LITAF: variants seen among roughly 807,000 people sequenced by gnomAD.
LITAF encodes lipopolysaccharide-induced tumor necrosis factor-alpha factor.
LITAF carries 9 observed loss-of-function variants against 14.5 expected under a neutral mutation model. The ratio of observed to expected loss-of-function variants is 0.62; its 90% CI spans 0.37 to 1.08. The LOEUF is 1.08. LITAF is among the 50% of genes least tolerant of loss of function. The pLI, the probability that LITAF is intolerant of heterozygous loss-of-function variation, is 0.01. For synonymous variants in LITAF, 98 were observed against 88.2 expected (o/e 1.11, Z -0.62); for missense variants, 206 against 213.4 (o/e 0.97, Z 0.22).
upstream of LITAF, among the ~76,000 whole-genome samples, chr16:11,636,630 C>T (rs1449656748): frequency 6.6e-6 from 1 of 152,130 alleles, no homozygotes. Context: ...CACACGATGA[C>T]AAAGAAAAGG....
At chr16:11,573,572 G>A (rs1440054540) in intron 1 of LITAF, among the ~76,000 whole-genome samples, 1 of 152,122 alleles carries the variant, frequency 6.6e-6, no homozygotes, top group Non-Finnish European at 1.5e-5. Flanking sequence ...CTCCCCACAA[G>A]GTACTGAAAC....
At chr16:11,633,673 A>C (rs1478034383) in intron 2 of LITAF, 1 of 151,946 alleles carries the variant, frequency 6.6e-6, no homozygotes, top group Non-Finnish European at 1.5e-5. Context: ...TGAATAATCC[A>C]CCCCTCATTC....
At chr16:11,575,980 G>A (rs534636229) in intron 1 of LITAF, among the ~76,000 whole-genome samples, 27 of 152,264 alleles carry the variant, frequency 1.8e-4, no homozygotes, top group Non-Finnish European at 2.5e-4. Flanking sequence ...TCCTGGGTTC[G>A]AGTGATCCTC....
At chr16:11,593,691 A>G (rs2064863029) in intron 1 of LITAF, among the ~76,000 whole-genome samples, 1 of 152,252 alleles carries the variant, frequency 6.6e-6, no homozygotes, top group Non-Finnish European at 1.5e-5. Flanking sequence ...CAATGCATTG[A>G]TGCTTTCCAC....
upstream of LITAF, among the ~76,000 whole-genome samples, chr16:11,589,748 A>C (rs2064836960): frequency 1.3e-5 from 2 of 150,516 alleles, no homozygotes; most frequent in African/African-American, 4.9e-5. Context: ...CCTCCTCAGT[A>C]GCTGGGACTA....
rs543824243 is a variant in LITAF, at chr16:11,605,067, G to A, written c.85+28466C>T. ...GGCCAGGACCACTGCTGGACGTGGG[G>A]CACTTGAATGGGTCCCTCACCCGTG... On this transcript the variant is annotated intron_variant, in intron 3 of 3. Transcript: ENST00000574848. The surrounding 1 kb of genome is among the most constrained non-coding windows in gnomAD (Gnocchi z 4.7). Among the ~76,000 whole-genome samples, 2 of 152,288 alleles carry A rather than the reference G, an allele frequency of 1.3e-5. No individual in the cohort carries two copies. Among genetic ancestry groups the A allele is most frequent in the South Asian group, 4.1e-4 (2 of 4,826 alleles).
At chr16:11,577,727 T>C (rs1255137075) in intron 1 of LITAF, among the ~76,000 whole-genome samples, 1 of 151,882 alleles carries the variant, frequency 6.6e-6, no homozygotes, top group Non-Finnish European at 1.5e-5. Context: ...TTTTATTTTC[T>C]TTTTTTGAGA....
chr16:11,556,485 A>T (rs975709702), intron 2 of LITAF, 26 bp downstream of exon 2: 1 of 1,591,826 alleles, frequency 6.3e-7, no homozygotes, highest in Non-Finnish European at 8.6e-7. Context: ...AGGAATGGTA[A>T]GGGGGGCCTG....
rs923134708 is a variant in LITAF, at chr16:11,553,957, G to A, written c.221-268C>T. ...CCTCAAAAAGAAAGGAGGACCGGGCGCGGTAGCTCATGCCTGTAATCCCAA... is the reference window on the plus strand; with the variant it reads ...CCTCAAAAAGAAAGGAGGACCGGGCACGGTAGCTCATGCCTGTAATCCCAA... On this transcript the variant is annotated intron_variant, in intron 2 of 3. Transcript: ENST00000622633. This position sits in a 1 kb window ranked among gnomAD's most constrained non-coding sequence, Gnocchi z 7.7. 4.6e-5 allele frequency among the ~76,000 whole-genome samples: 7 copies of A among 152,134 alleles called. No individual in the cohort carries two copies. The highest frequency in any genetic ancestry group is 2.6e-4 in the Admixed American group (4 of 15,272).
At chr16:11,574,926 C>A (rs1467973271) in intron 1 of LITAF, among the ~76,000 whole-genome samples, 1 of 152,106 alleles carries the variant, frequency 6.6e-6, no homozygotes, top group African/African-American at 2.4e-5. Context: ...CCTCAGCCTC[C>A]CAAATAGCTG....
chr16:11,570,647 G>C (rs951734007), intron 1 of LITAF, among the ~76,000 whole-genome samples: 1 of 152,114 alleles, frequency 6.6e-6, no homozygotes, highest in African/African-American at 2.4e-5. Flanking sequence ...GGGTTATTCT[G>C]GATTAACCAG....
At chr16:11,623,493 C>G (rs1482931345) in intron 3 of LITAF, among the ~76,000 whole-genome samples, 1 of 151,412 alleles carries the variant, frequency 6.6e-6, no homozygotes, top group Non-Finnish European at 1.5e-5. Flanking sequence ...AACCCCATCT[C>G]TACTAAAGAT....
Position 11,558,933 on chromosome 16 carries a change from G to A in LITAF, c.-5-2198C>T, listed in dbSNP as rs550221750. Among the ~76,000 whole-genome samples, 11 of 152,056 alleles carry A rather than the reference G, an allele frequency of 7.2e-5. No homozygotes were observed. The highest frequency in any genetic ancestry group is 1.7e-4 in the African/African-American group (7 of 41,410). ...GCCCAATATAGCAGCCACCAGTCAC[G>A]TAAGGTTATTGGGCGTCTAAAATGT... On this transcript the variant is annotated intron_variant, in intron 1 of 3. Transcript: ENST00000622633. This position sits in a 1 kb window ranked among gnomAD's most constrained non-coding sequence, Gnocchi z 4.1.
chr16:11,635,253 G>T (rs900177220), intron 2 of LITAF, among the ~76,000 whole-genome samples: 1 of 152,108 alleles, frequency 6.6e-6, no homozygotes, highest in Non-Finnish European at 1.5e-5. Context: ...AAAGACAGAT[G>T]CACCCACAGT....
At chr16:11,552,761 G>T (rs956517384) in intron 3 of LITAF, among the ~76,000 whole-genome samples, 2 of 152,132 alleles carry the variant, frequency 1.3e-5, no homozygotes, top group African/African-American at 4.8e-5. Flanking sequence ...GCATTAAGCG[G>T]GTGGGGGCCA....
intron 3 of LITAF, among the ~76,000 whole-genome samples, chr16:11,604,043 C>T (rs1020785907): frequency 1.3e-5 from 2 of 152,044 alleles, no homozygotes. Context: ...CGAGACTCCA[C>T]TAGAGGCTGG....
chr16:11,612,373 G>C (rs1352195269), intron 3 of LITAF, among the ~76,000 whole-genome samples: 2 of 152,170 alleles, frequency 1.3e-5, no homozygotes, highest in East Asian at 1.9e-4. Context: ...GGGCAGCCTG[G>C]AGGGTTGGTG....
rs12933316 is a variant in LITAF at position 11,605,864 on chromosome 16, G to T, written c.85+27669C>A. On this transcript the variant is annotated intron_variant, in intron 3 of 3. Coordinates refer to the LITAF transcript ENST00000574848. The surrounding 1 kb of genome is among the most constrained non-coding windows in gnomAD (Gnocchi z 4.7). ...ACCGCACCAGGAGGTAGGTTCCACT[G>T]TTCCCACGGAAACTTATCAATAGCT... is the stretch of plus-strand genomic sequence containing the variant. 0.39 allele frequency among the ~76,000 whole-genome samples: 59,831 copies of T among 152,012 alleles called. 12,920 individuals are homozygous for T. Among genetic ancestry groups the T allele is most frequent in the Middle Eastern group, 0.5 (145 of 292 alleles).
intron 1 of LITAF, among the ~76,000 whole-genome samples, chr16:11,565,113 C>T (rs184316034): frequency 3.3e-4 from 49 of 148,332 alleles, no homozygotes; most frequent in African/African-American, 1.2e-3. Flanking sequence ...GACAGATTCT[C>T]GCTCCGTCGC....
Sources: gnomAD v4.1 joint callset for allele counts (sites outside exome capture counted in the v4.1 genomes callset) on GRCh38, gnomAD v4.1.1 for gene constraint, Gnocchi (gnomAD v3.1) non-coding constraint, MANE v1.5 for transcripts, NCBI Gene and HGNC (gene_info 2026-07-23, HGNC 2026-07-21) for gene names.